RRP15: variants seen among roughly 807,000 people sequenced by gnomAD.
The protein encoded by RRP15 is ribosomal RNA processing 15 homolog.
Under a neutral mutation model 27.1 loss-of-function variants are expected in RRP15, and 18 were observed. The observed-to-expected ratio is 0.66, with a 90% CI of 0.46 to 0.98. RRP15 has a LOEUF of 0.98. Among genes scored for constraint, RRP15 ranks in the 50% least tolerant of loss-of-function variants. The pLI is 0.00. For missense variants in RRP15, 359 were observed against 337.8 expected (o/e 1.06, Z -0.49); for synonymous variants, 107 against 109.4 (o/e 0.98, Z 0.14).
At chr1:218,322,035 T>G (rs1337459328) in intron 4 of RRP15, among the ~76,000 whole-genome samples, 8 of 152,178 alleles carry the variant, frequency 5.3e-5, no homozygotes, top group Admixed American at 5.2e-4. Context: ...GCATTTTGCA[T>G]GTATTTTAGT....
At chr1:218,291,100 C>T (rs566589761) in intron 1 of RRP15, among the ~76,000 whole-genome samples, 27 of 152,172 alleles carry the variant, frequency 1.8e-4, no homozygotes, top group African/African-American at 5.1e-4. Context: ...GACTGTGCCA[C>T]TGTACTCCAG....
intron 2 of RRP15, among the ~76,000 whole-genome samples, chr1:218,304,767 G>C (rs755525872): frequency 6.6e-6 from 1 of 152,082 alleles, no homozygotes; most frequent in Non-Finnish European, 1.5e-5. Context: ...GTACTGCCTG[G>C]CCGAATATGC....
chr1:218,286,476 C>T (rs1655550549), intron 1 of RRP15, among the ~76,000 whole-genome samples: 1 of 152,210 alleles, frequency 6.6e-6, no homozygotes, highest in South Asian at 2.1e-4. Context: ...ACCAGAGAGA[C>T]TTGTCCCTGA....
At chr1:218,295,965 A>G (rs1435604053) in intron 1 of RRP15, among the ~76,000 whole-genome samples, 1 of 152,036 alleles carries the variant, frequency 6.6e-6, no homozygotes, top group Non-Finnish European at 1.5e-5. Flanking sequence ...AAATTTAGTA[A>G]TTGGCAGGAA....
intron 1 of RRP15, among the ~76,000 whole-genome samples, chr1:218,300,104 C>G (rs1655787263): frequency 6.6e-6 from 1 of 151,998 alleles, no homozygotes; most frequent in Admixed American, 6.6e-5. Context: ...GTATAAGATA[C>G]AGAAAAAACT....
chr1:218,310,979 C>A (rs1377707156), intron 4 of RRP15, among the ~76,000 whole-genome samples: 13 of 151,956 alleles, frequency 8.6e-5, no homozygotes, highest in Non-Finnish European at 1.5e-5. Flanking sequence ...GAACTCCTGA[C>A]CTCAGGTGAT....
chr1:218,330,359 G>A (rs1488781400), intron 4 of RRP15, among the ~76,000 whole-genome samples: 1 of 152,100 alleles, frequency 6.6e-6, no homozygotes, highest in Non-Finnish European at 1.5e-5. Flanking sequence ...TTCAACATAC[G>A]ATTAGTCTTT....
At chr1:218,323,598 G>A (rs1020605021) in intron 4 of RRP15, among the ~76,000 whole-genome samples, 3 of 152,176 alleles carry the variant, frequency 2.0e-5, no homozygotes, top group Admixed American at 6.5e-5. Context: ...GGGCCTCACC[G>A]GGGACCCTCC....
At chr1:218,319,805 C>G (rs1656157931) in intron 4 of RRP15, among the ~76,000 whole-genome samples, 1 of 152,142 alleles carries the variant, frequency 6.6e-6, no homozygotes, top group Admixed American at 6.5e-5. Context: ...ACGTTGGTAT[C>G]TATTTTTCAG....
At chr1:218,295,255 G>C (rs1035568470) in intron 1 of RRP15, among the ~76,000 whole-genome samples, 5 of 152,106 alleles carry the variant, frequency 3.3e-5, no homozygotes, top group Admixed American at 2.6e-4. Flanking sequence ...TCAGATTTAT[G>C]GAAGTTAAGA....
At chr1:218,314,548 T>C (rs12085480) in intron 4 of RRP15, among the ~76,000 whole-genome samples, 4,485 of 152,340 alleles carry the variant, frequency 0.029, 90 homozygotes, top group East Asian at 0.074. Flanking sequence ...TAGGAAAGCA[T>C]TGGCTTTACT....
intron 2 of RRP15, among the ~76,000 whole-genome samples, chr1:218,304,121 C>T (rs1023998237): frequency 2.0e-5 from 3 of 151,932 alleles, no homozygotes; most frequent in Admixed American, 2.0e-4. Context: ...ATAGTGAGCG[C>T]AAGAATTTGG....
Position 218,285,332 on chromosome 1 carries a change from C to A in RRP15, c.16C>A (p.Pro6Thr). 1.2e-6 allele frequency: 2 copies of A among 1,613,834 alleles called. No homozygotes were observed. Among genetic ancestry groups the A allele is most frequent in the South Asian group, 2.2e-5 (2 of 91,036 alleles). Residue 6 changes from proline (P) to threonine (T), a missense_variant, in exon 1 of 5, where the codon CCG becomes ACG. By Grantham distance (38) the Pro-to-Thr change is conservative (BLOSUM62 -1). Coordinates refer to ENST00000366932, the MANE Select transcript of RRP15 (RefSeq NM_016052.4). ...GCGCAGAAAAATGGCAGCCGCCGCT[C>A]CGGACTCACGTGTGAGTGAGGAAGA... MAAAA[P>T]DSRVSEEENL... is the part of the protein sequence containing the mutation.
At chr1:218,318,029 C>T (rs1487662112) in intron 4 of RRP15, among the ~76,000 whole-genome samples, 1 of 151,928 alleles carries the variant, frequency 6.6e-6, no homozygotes, top group Non-Finnish European at 1.5e-5. Context: ...ACTCCCAGCT[C>T]TTTTATAAAA....
intron 1 of RRP15, among the ~76,000 whole-genome samples, chr1:218,299,615 C>G (rs1241259632): frequency 2.0e-5 from 3 of 152,112 alleles, no homozygotes; most frequent in African/African-American, 4.8e-5. Context: ...TGACATGTTA[C>G]CAGGAGCTAG....
intron 4 of RRP15, 135 bp from the exon 5 acceptor site, chr1:218,330,813 C>A (rs762192752): frequency 1.6e-6 from 1 of 629,598 alleles, no homozygotes. Context: ...TAAAGTAAGT[C>A]GATTTATAAT....
At chr1:218,313,361 A>T (rs1656033941) in intron 4 of RRP15, among the ~76,000 whole-genome samples, 1 of 152,160 alleles carries the variant, frequency 6.6e-6, no homozygotes, top group African/African-American at 2.4e-5. Context: ...TTTAAGGTAT[A>T]GATTGACTTG....
At chr1:218,328,456 A>G (rs1281433209) in intron 4 of RRP15, among the ~76,000 whole-genome samples, 2 of 151,980 alleles carry the variant, frequency 1.3e-5, no homozygotes, top group African/African-American at 4.8e-5. Context: ...AAGTCAGGAG[A>G]TTGAGACCAT....
chr1:218,295,999 A>AC (rs1465747999), intron 1 of RRP15, among the ~76,000 whole-genome samples: 1 of 152,178 alleles, frequency 6.6e-6, no homozygotes, highest in African/African-American at 2.4e-5. Context: ...TGAGCAGAAC[A>AC]GATGATTTAC....
Sources: gnomAD v4.1 joint callset for allele counts (sites outside exome capture counted in the v4.1 genomes callset) on GRCh38, gnomAD v4.1.1 for gene constraint, MANE v1.5 for transcripts, NCBI Gene and HGNC (gene_info 2026-07-23, HGNC 2026-07-21) for gene names.